RARB: variants seen among roughly 807,000 people sequenced by gnomAD.
The protein encoded by RARB is HBV-activated protein.
A neutral mutation model predicts 51.9 loss-of-function variants in RARB; 17 were observed. The ratio of observed to expected loss-of-function variants is 0.33; its 90% confidence interval spans 0.22 to 0.49. The LOEUF (loss-of-function observed/expected upper bound fraction) is 0.49, where lower values mean the gene tolerates loss of function less well. RARB is among the 20% of genes least tolerant of loss of function. The pLI is 0.99. For missense variants in RARB, 369 were observed against 550.8 expected, an observed-to-expected ratio of 0.67 and a Z score of 3.30; for synonymous variants, 215 against 195.4, an observed-to-expected ratio of 1.10 and a Z score of -0.84.
chr3:25,254,378 C>G (rs35646412), intron 5 of RARB, among the ~76,000 whole-genome samples: 16,043 of 152,174 alleles, frequency 0.11, 1,008 homozygotes, highest in South Asian at 0.26. Context: ...TTCTGTATTA[C>G]TAATTGATTT....
intron 2 of RARB, among the ~76,000 whole-genome samples, chr3:24,899,028 G>A (rs1043399975): frequency 1.1e-4 from 17 of 152,134 alleles, no homozygotes; most frequent in African/African-American, 3.6e-4. Flanking sequence ...AGTGTGGTCC[G>A]CAGACCAGCA....
intron 2 of RARB, among the ~76,000 whole-genome samples, chr3:25,494,253 G>GCACGCGCACGCACTCACACACACA (rs1553623182): frequency 1.5e-5 from 2 of 131,852 alleles, no homozygotes; most frequent in African/African-American, 2.6e-5. Context: ...TGTATCTTAC[G>GCACGCGCACGCACTCACACACACA]CACACACACA....
intron 5 of RARB, among the ~76,000 whole-genome samples, chr3:25,333,212 T>C (rs1015040473): frequency 7.9e-5 from 12 of 152,084 alleles, no homozygotes; most frequent in African/African-American, 2.2e-4. Context: ...AGAGCCCGCA[T>C]TGCCAAGTCA....
At chr3:25,368,143 G>A (rs573728760) in intron 5 of RARB, among the ~76,000 whole-genome samples, 16 of 152,134 alleles carry the variant, frequency 1.1e-4, no homozygotes, top group Non-Finnish European at 2.2e-4. Context: ...GATAATGGCA[G>A]TAAATAATAG....
At chr3:25,485,996 A>T (rs1406130328) in intron 2 of RARB, among the ~76,000 whole-genome samples, 1 of 152,202 alleles carries the variant, frequency 6.6e-6, no homozygotes, top group Non-Finnish European at 1.5e-5. Context: ...GTTGCCACGA[A>T]TTATATTTGA....
At position 24,919,279 on chromosome 3, in the gene RARB, G is replaced by T. The variant is rs150547926; in HGVS notation, c.-380+60527G>T. 7.6e-3 allele frequency among the ~76,000 whole-genome samples: 1,152 copies of T among 152,280 alleles called. 8 individuals are homozygous for T. The highest frequency in any genetic ancestry group is 0.012 in the Non-Finnish European group (821 of 68,022). On this transcript the variant is annotated intron_variant, in intron 2 of 11. Coordinates refer to the RARB transcript ENST00000383772. ...GTACTTGTTTCCAAGATTTGGTATT[G>T]AGTTGTGTTAAATTAAGTTTAGCCT... is the stretch of plus-strand genomic sequence containing the variant.
chr3:25,428,882 G>A lies in RARB; in HGVS notation c.151G>A (p.Ala51Thr), dbSNP rs1480580024. Residue 51 changes from alanine (A) to threonine (T), a missense_variant, in exon 1 of 8, where the codon GCT becomes ACT. Coordinates refer to ENST00000330688, the MANE Select transcript of RARB (RefSeq NM_000965.5). Reference sequence around the variant, plus strand: ...AACCGAATGGCAGCATCGGCACACTGCTCAATGTAGGTTTATTTTTTTCCC... The same window carrying A: ...AACCGAATGGCAGCATCGGCACACTACTCAATGTAGGTTTATTTTTTTCCC... ...TQTEWQHRHT[A>T]QSIETQSTSS... 6.2e-7 allele frequency: 1 copy of A among 1,603,672 alleles called. No homozygotes were observed.
At chr3:25,188,691 T>C (rs1701030817) in intron 5 of RARB, among the ~76,000 whole-genome samples, 1 of 152,148 alleles carries the variant, frequency 6.6e-6, no homozygotes, top group African/African-American at 2.4e-5. Context: ...ATTATTACTA[T>C]CTATAATAAT....
chr3:24,986,027 C>T (rs1298330035), intron 2 of RARB, among the ~76,000 whole-genome samples: 1 of 152,174 alleles, frequency 6.6e-6, no homozygotes. Flanking sequence ...TTCTCCCCAG[C>T]GTTGGAATAT....
At chr3:24,894,408 C>G (rs1703441810) in intron 2 of RARB, among the ~76,000 whole-genome samples, 1 of 152,002 alleles carries the variant, frequency 6.6e-6, no homozygotes, top group African/African-American at 2.4e-5. Context: ...GGATAATGAC[C>G]TCCAGCTTCA....
At chr3:24,971,717 C>T (rs1696401634) in intron 2 of RARB, among the ~76,000 whole-genome samples, 1 of 151,936 alleles carries the variant, frequency 6.6e-6, no homozygotes, top group African/African-American at 2.4e-5. Context: ...TAAGGATAAT[C>T]AACATTTTTA....
At chr3:25,028,991 G>T (rs1246423595) in intron 2 of RARB, among the ~76,000 whole-genome samples, 1 of 152,196 alleles carries the variant, frequency 6.6e-6, no homozygotes, top group African/African-American at 2.4e-5. Context: ...GCCCAGGCGT[G>T]TTCTCAACTC....
chr3:25,470,584 C>T (rs1378298303), intron 2 of RARB, among the ~76,000 whole-genome samples: 2 of 152,062 alleles, frequency 1.3e-5, no homozygotes, highest in Non-Finnish European at 2.9e-5. Flanking sequence ...AATAAAATTG[C>T]CTATATAGAG....
chr3:25,215,637 A>G (rs1350409700), intron 5 of RARB, among the ~76,000 whole-genome samples: 1 of 152,148 alleles, frequency 6.6e-6, no homozygotes, highest in Non-Finnish European at 1.5e-5. Context: ...GTTGGAGGGT[A>G]TTAAGGGGAT....
chr3:25,366,696 A>G (rs188604292), intron 5 of RARB, among the ~76,000 whole-genome samples: 38 of 152,346 alleles, frequency 2.5e-4, no homozygotes, highest in African/African-American at 8.9e-4. Flanking sequence ...TTATCAATCT[A>G]TATTGAGTTA....
intron 2 of RARB, among the ~76,000 whole-genome samples, chr3:24,904,614 A>G (rs549664074): frequency 1.1e-4 from 16 of 152,332 alleles, no homozygotes; most frequent in Admixed American, 3.9e-4. Context: ...TGATTCCTCA[A>G]GGATATAGAA....
chr3:24,963,343 C>G (rs4356783), intron 2 of RARB, among the ~76,000 whole-genome samples: 69,334 of 149,820 alleles, frequency 0.46, 16,518 homozygotes, highest in East Asian at 0.6. Context: ...AGGCAAGACA[C>G]TGGAAACGCA....
At chr3:24,996,403 C>G (rs979175080) in intron 2 of RARB, among the ~76,000 whole-genome samples, 2 of 151,888 alleles carry the variant, frequency 1.3e-5, no homozygotes, top group Non-Finnish European at 2.9e-5. Context: ...TATCTTTTCA[C>G]AAAAGATTTT....
At chr3:25,281,040 G>T (rs1209865488) in intron 5 of RARB, among the ~76,000 whole-genome samples, 1 of 152,176 alleles carries the variant, frequency 6.6e-6, no homozygotes, top group Non-Finnish European at 1.5e-5. Flanking sequence ...GAGCCATTGT[G>T]CCTATGAAAC....
Sources: gnomAD v4.1 joint callset for allele counts (sites outside exome capture counted in the v4.1 genomes callset) on GRCh38, gnomAD v4.1.1 for gene constraint, MANE v1.5 for transcripts, NCBI Gene and HGNC (gene_info 2026-07-23, HGNC 2026-07-21) for gene names.